TXNRD1: variants seen among roughly 807,000 people sequenced by gnomAD.
TXNRD1 encodes thioredoxin reductase 1, also known as thioredoxin reductase 1, cytoplasmic.
A neutral mutation model predicts 80.3 loss-of-function variants in TXNRD1; 57 were observed. The ratio of observed to expected loss-of-function variants is 0.71; its 90% CI spans 0.57 to 0.89. The LOEUF is 0.89. Among genes scored for constraint, TXNRD1 ranks in the 40% least tolerant of loss-of-function variants. The pLI is 0.00. For missense variants in TXNRD1, 730 were observed against 803.0 expected (o/e 0.91, Z 1.10); for synonymous variants, 291 against 285.2 (o/e 1.02, Z -0.20).
intron 15 of TXNRD1, among the ~76,000 whole-genome samples, 196 bp downstream of exon 15, chr12:104,334,528 T>C (rs1018040513): frequency 6.6e-6 from 1 of 152,042 alleles, no homozygotes; most frequent in Non-Finnish European, 1.5e-5. Flanking sequence ...GATTACAGAC[T>C]TGCGCCACCA....
chr12:104,272,607 T>C (rs11111969), intron 3 of TXNRD1, among the ~76,000 whole-genome samples: 22,685 of 152,012 alleles, frequency 0.15, 1,740 homozygotes, highest in Middle Eastern at 0.23. Flanking sequence ...ATCCTGGCTA[T>C]GGTGAAACCC....
chr12:104,230,902 T>G (rs1330855899), intron 1 of TXNRD1, among the ~76,000 whole-genome samples: 1 of 152,134 alleles, frequency 6.6e-6, no homozygotes, highest in Non-Finnish European at 1.5e-5. Flanking sequence ...CCTTTTAATA[T>G]GCAAATGCAG....
chr12:104,323,429 C>T (rs1273550440), intron 10 of TXNRD1, among the ~76,000 whole-genome samples: 3 of 146,300 alleles, frequency 2.1e-5, no homozygotes, highest in African/African-American at 5.1e-5. Flanking sequence ...CCCTCCCGGA[C>T]GGGGCGGCTG....
At chr12:104,263,138 T>C (rs908829757) in intron 3 of TXNRD1, among the ~76,000 whole-genome samples, 1 of 152,218 alleles carries the variant, frequency 6.6e-6, no homozygotes, top group Non-Finnish European at 1.5e-5. Flanking sequence ...GTAGTGGTAG[T>C]AGTCATACAT....
At chr12:104,297,468 C>G (rs995708400) in intron 4 of TXNRD1, among the ~76,000 whole-genome samples, 2 of 151,772 alleles carry the variant, frequency 1.3e-5, no homozygotes, top group Non-Finnish European at 2.9e-5. Context: ...TGAGTTCAAG[C>G]AATTCTCCTG....
At chr12:104,222,355 C>A (rs139957085) in intron 1 of TXNRD1, among the ~76,000 whole-genome samples, 1 of 151,284 alleles carries the variant, frequency 6.6e-6, no homozygotes, top group Admixed American at 6.6e-5. Context: ...GTTTTCGAAA[C>A]GTTAAAAATA....
chr12:104,261,398 G>C (rs909062738), intron 3 of TXNRD1, among the ~76,000 whole-genome samples: 5 of 152,162 alleles, frequency 3.3e-5, no homozygotes, highest in African/African-American at 1.2e-4. Flanking sequence ...CCTGACCTCA[G>C]GTGATCCATC....
chr12:104,224,686 G>C lies in TXNRD1; in HGVS notation c.91+8793G>C, dbSNP rs1336796685. On this transcript the variant is annotated intron_variant, in intron 1 of 16. Coordinates refer to ENST00000525566, the MANE Select transcript of TXNRD1 (RefSeq NM_001093771.3). ...GGCATGAGCCACCGCACCTATAGCT[G>C]TCTTGTTTAGAGTTGAATTTCCTGT... 2.5e-5 allele frequency: 9 copies of C among 367,148 alleles called. No individual in the cohort carries two copies. In the Admixed American group the frequency reaches 3.0e-4, roughly 12 times the overall value. The allele number at this position is 367,148 out of a possible 1,614,324, so 22.7% of individuals were successfully genotyped here.
chr12:104,236,229 T>C (rs1054528876), intron 1 of TXNRD1, among the ~76,000 whole-genome samples: 1 of 152,218 alleles, frequency 6.6e-6, no homozygotes, highest in African/African-American at 2.4e-5. Context: ...CAAGGACAGC[T>C]TGGGGGCTGA....
At position 104,321,305 on chromosome 12, in the gene TXNRD1, G is replaced by C; in HGVS notation, c.1204G>C (p.Val402Leu). 6.2e-7 allele frequency: 1 copy of C among 1,613,664 alleles called. No homozygotes were observed. The highest frequency in any genetic ancestry group is 1.3e-5 in the African/African-American group (1 of 74,994). Reference sequence around the variant, plus strand: ...TGGCATCAAGTTTATAAGACAGTTCGTACCAATTAAAGTAAGTGGGTTTGC... The same window carrying C: ...TGGCATCAAGTTTATAAGACAGTTCCTACCAATTAAAGTAAGTGGGTTTGC... ...EHGIKFIRQF[V>L]PIKVEQIEAG... is the part of the protein sequence containing the mutation. The change falls in exon 10 of 17, where the codon GTA (valine) becomes CTA (leucine). Residue 402 changes from valine to leucine, a missense_variant. Transcript: ENST00000525566.
chr12:104,220,522 G>T (rs976604817), intron 1 of TXNRD1, among the ~76,000 whole-genome samples: 1 of 151,840 alleles, frequency 6.6e-6, no homozygotes. Context: ...TCAGGAGTTC[G>T]AGACCAGTCT....
At position 104,315,887 on chromosome 12, in the gene TXNRD1, G is replaced by T; in HGVS notation, c.721G>T (p.Glu241Ter). 1.2e-6 allele frequency: 2 copies of T among 1,610,646 alleles called. No homozygotes were observed. Among genetic ancestry groups the T allele is most frequent in the South Asian group, 1.1e-5 (1 of 90,822 alleles). Residue 241 changes from glutamate (E) to a stop codon, truncating the protein, a stop_gained, in exon 7 of 17, where the codon GAG becomes TAG. Transcript: ENST00000525566. LOFTEE classifies it high-confidence loss of function. ...CTCTCGAAATTATGGATGGAAAGTC[G>T]AGGAGACAGGTATGAGAGGGAAAAG... ...QDSRNYGWKVEETVKHDWDRM... is the reference protein window; with the variant it reads ...QDSRNYGWKV
chr12:104,268,391 G>C (rs2135721775), intron 3 of TXNRD1, among the ~76,000 whole-genome samples: 1 of 151,408 alleles, frequency 6.6e-6, no homozygotes, highest in African/African-American at 2.4e-5. Flanking sequence ...CGGGCATGGT[G>C]GCAGGCGCCT....
chr12:104,320,127 A>T (rs891803021), intron 9 of TXNRD1, among the ~76,000 whole-genome samples: 8 of 152,184 alleles, frequency 5.3e-5, no homozygotes, highest in African/African-American at 1.9e-4. Context: ...AAGCAAGGAG[A>T]TGTTTTGCTG....
At chr12:104,283,727 A>G (rs1178931643) in intron 3 of TXNRD1, among the ~76,000 whole-genome samples, 3 of 151,964 alleles carry the variant, frequency 2.0e-5, no homozygotes, top group Non-Finnish European at 4.4e-5. Flanking sequence ...AAAATTAGCC[A>G]GGCGTGGTGG....
intron 4 of TXNRD1, among the ~76,000 whole-genome samples, chr12:104,302,539 GAGTGC>G (rs1176152141): frequency 7.6e-6 from 1 of 131,086 alleles, no homozygotes; most frequent in African/African-American, 3.0e-5. Flanking sequence ...GCCCAGGCTG[GAGTGC>G]AGTGGCCCGA....
At chr12:104,268,581 C>T (rs951735693) in intron 3 of TXNRD1, among the ~76,000 whole-genome samples, 2 of 151,926 alleles carry the variant, frequency 1.3e-5, no homozygotes, top group Non-Finnish European at 2.9e-5. Context: ...TACAGTGGCA[C>T]GATCTCGGCT....
rs866003550 is a variant in TXNRD1, at chr12:104,313,299, C to T, written c.592C>T (p.Pro198Ser). ...VMVLDFVTPT[P>S]LGTRWGLGGT... ...GGTCCTGGACTTTGTCACTCCCACC[C>T]CTCTTGGAACTAGATGGGGTAAGCT... The change falls in exon 6 of 17, where the codon CCT (proline) becomes TCT (serine). Residue 198 changes from proline to serine, a missense_variant. Physicochemically the swap from Pro to Ser is moderately conservative, Grantham distance 74. Coordinates refer to ENST00000525566, the MANE Select transcript of TXNRD1 (RefSeq NM_001093771.3). 1.9e-6 allele frequency: 3 copies of T among 1,590,740 alleles called. No homozygotes were observed. Among genetic ancestry groups the T allele is most frequent in the Non-Finnish European group, 2.6e-6 (3 of 1,167,142 alleles).
At chr12:104,251,211 G>T (rs1197522502) in intron 1 of TXNRD1, among the ~76,000 whole-genome samples, 1 of 152,196 alleles carries the variant, frequency 6.6e-6, no homozygotes, top group South Asian at 2.1e-4. Flanking sequence ...GGCATAAAAT[G>T]TGGCCTCAGT....
Sources: gnomAD v4.1 joint callset for allele counts (sites outside exome capture counted in the v4.1 genomes callset) on GRCh38, gnomAD v4.1.1 for gene constraint, MANE v1.5 for transcripts, NCBI Gene and HGNC (gene_info 2026-07-23, HGNC 2026-07-21) for gene names.